The following CLNK variants were observed in gnomAD, a reference collection of about 807,000 sequenced individuals.
The protein encoded by CLNK is cytokine dependent hematopoietic cell linker.
Under a neutral mutation model 68.6 loss-of-function variants are expected in CLNK, and 74 were observed. That is an observed-to-expected ratio of 1.08 (90% CI 0.89 to 1.31). CLNK has a LOEUF of 1.31. CLNK is among the 50% of genes most tolerant of loss of function. CLNK has a pLI of 0.00. For missense variants in CLNK, 553 were observed against 515.3 expected (o/e 1.07, Z -0.71); for synonymous variants, 198 against 172.2 (o/e 1.15, Z -1.17).
At chr4:10,648,881 C>T (rs902374105) in intron 2 of CLNK, among the ~76,000 whole-genome samples, 1 of 152,154 alleles carries the variant, frequency 6.6e-6, no homozygotes, top group Admixed American at 6.6e-5. Context: ...AGGGTCAGTG[C>T]TCATTCCACT....
chr4:10,566,909 A>C (rs1016206540), intron 5 of CLNK, among the ~76,000 whole-genome samples: 2 of 152,144 alleles, frequency 1.3e-5, no homozygotes, highest in African/African-American at 4.8e-5. Flanking sequence ...AAAGAAGTGC[A>C]AAATTTGTAC....
intron 2 of CLNK, among the ~76,000 whole-genome samples, chr4:10,623,225 C>T (rs181707566): frequency 1.3e-5 from 2 of 152,304 alleles, no homozygotes; most frequent in Non-Finnish European, 2.9e-5. Flanking sequence ...CTTAACAAAT[C>T]CCTCTCTAGG....
At position 10,654,998 on chromosome 4, in the gene CLNK, G is replaced by T. The variant is rs920359759; in HGVS notation, c.11+12861C>A. ...CGCCTGTAGTCCCACCTACTAGGGA[G>T]GCTGAGGCAGGAGAATGGCGTGAAT... On this transcript the variant is annotated intron_variant, in intron 2 of 18. Transcript: ENST00000226951. Among the ~76,000 whole-genome samples the T allele has an allele frequency of 3.3e-5, 5 of 151,722 alleles. No individual in the cohort carries two copies. The East Asian group carries it at 9.7e-4, about 30-fold the overall frequency.
chr4:10,520,654 C>T (rs34533651), intron 15 of CLNK, 137 bp downstream of exon 15: 19,644 of 607,572 alleles, frequency 0.032, 356 homozygotes, highest in Non-Finnish European at 0.038. Context: ...GTCATAGTAA[C>T]GCAATGGAAA....
rs911998663 is a variant in CLNK at position 10,602,837 on chromosome 4, A to T, written c.12-4788T>A. Reference sequence around the variant, plus strand: ...TGGTCTAGAAGAAAAACGAGGAAGAAGCTGGTCAAATATTTAAGTGATGGT... The same window carrying T: ...TGGTCTAGAAGAAAAACGAGGAAGATGCTGGTCAAATATTTAAGTGATGGT... On this transcript the variant is annotated intron_variant, in intron 2 of 18. Coordinates refer to ENST00000226951, the MANE Select transcript of CLNK (RefSeq NM_052964.4). 5.3e-5 allele frequency among the ~76,000 whole-genome samples: 8 copies of T among 152,338 alleles called. No homozygotes were observed. In the East Asian group the frequency reaches 1.3e-3, roughly 26 times the overall value.
upstream of CLNK, among the ~76,000 whole-genome samples, chr4:10,687,204 G>GAAAA (rs57990237): frequency 1.3e-4 from 18 of 140,360 alleles, no homozygotes; most frequent in South Asian, 4.6e-4. Flanking sequence ...ATATAGAGGT[G>GAAAA]AAAAAAAAAA....
intron 18 of CLNK, among the ~76,000 whole-genome samples, chr4:10,495,828 G>C (rs1191689771): frequency 6.6e-6 from 1 of 151,708 alleles, no homozygotes; most frequent in East Asian, 1.9e-4. Flanking sequence ...TGACCATAGA[G>C]AGAGAGAGAT....
intron 2 of CLNK, among the ~76,000 whole-genome samples, chr4:10,600,516 C>T (rs900712008): frequency 6.6e-5 from 10 of 152,110 alleles, no homozygotes; most frequent in African/African-American, 2.2e-4. Context: ...TTGTTAAATG[C>T]CCTGTACATG....
At chr4:10,702,529 C>T in the CLNK span, among the ~76,000 whole-genome samples, 1 of 152,186 alleles carries the variant, frequency 6.6e-6, no homozygotes, top group Admixed American at 6.5e-5. Context: ...TGCTGACAGG[C>T]AGCAAATCTG....
intron 8 of CLNK, among the ~76,000 whole-genome samples, chr4:10,550,258 C>A (rs902742106): frequency 1.3e-5 from 2 of 152,142 alleles, no homozygotes; most frequent in Non-Finnish European, 2.9e-5. Context: ...CTTTGGGAGG[C>A]CGAGGCGGGC....
At chr4:10,674,002 C>T (rs767989237) in intron 1 of CLNK, among the ~76,000 whole-genome samples, 2 of 152,192 alleles carry the variant, frequency 1.3e-5, no homozygotes, top group Admixed American at 6.5e-5. Context: ...AAATAAAGCC[C>T]ATGCATAGCT....
chr4:10,601,095 C>A (rs1168980444), intron 2 of CLNK, among the ~76,000 whole-genome samples: 1 of 152,176 alleles, frequency 6.6e-6, no homozygotes, highest in Non-Finnish European at 1.5e-5. Flanking sequence ...AATAGGCAGG[C>A]ATTCTTCTCA....
upstream of CLNK, among the ~76,000 whole-genome samples, chr4:10,685,707 A>T (rs963356168): frequency 6.6e-6 from 1 of 152,204 alleles, no homozygotes; most frequent in South Asian, 2.1e-4. Context: ...CATGAAAATA[A>T]GCACTCTTTG....
intron 14 of CLNK, among the ~76,000 whole-genome samples, chr4:10,523,386 A>T (rs954442958): frequency 6.6e-6 from 1 of 152,162 alleles, no homozygotes; most frequent in Non-Finnish European, 1.5e-5. Flanking sequence ...TGCAGAAGAT[A>T]GGGATTTGGG....
At chr4:10,664,622 C>T (rs985633397) in intron 2 of CLNK, among the ~76,000 whole-genome samples, 5 of 152,174 alleles carry the variant, frequency 3.3e-5, no homozygotes, top group African/African-American at 4.8e-5. Context: ...AAGAATCAAC[C>T]GAGGATCTTG....
chr4:10,654,973 CG>C (rs745886578), intron 2 of CLNK, among the ~76,000 whole-genome samples: 1 of 151,594 alleles, frequency 6.6e-6, no homozygotes, highest in Non-Finnish European at 1.5e-5. Context: ...GCGGTGGCAG[CG>C]CCTGTAGTCC....
intron 2 of CLNK, among the ~76,000 whole-genome samples, chr4:10,666,777 GC>G (rs1383213671): frequency 6.6e-6 from 1 of 152,216 alleles, no homozygotes; most frequent in Non-Finnish European, 1.5e-5. Flanking sequence ...CTCCTGCTGT[GC>G]TTTTCATGGC....
the CLNK span, among the ~76,000 whole-genome samples, chr4:10,708,672 G>A: frequency 6.6e-6 from 1 of 152,162 alleles, no homozygotes; most frequent in South Asian, 2.1e-4. Flanking sequence ...GGGAAGGCAG[G>A]GCACATCATG....
intron 1 of CLNK, among the ~76,000 whole-genome samples, chr4:10,675,483 G>T (rs1020249546): frequency 2.6e-5 from 4 of 152,124 alleles, no homozygotes; most frequent in Non-Finnish European, 5.9e-5. Flanking sequence ...TTACCCTTGA[G>T]AACTCTTGTT....
Sources: gnomAD v4.1 joint callset for allele counts (sites outside exome capture counted in the v4.1 genomes callset) on GRCh38, gnomAD v4.1.1 for gene constraint, MANE v1.5 for transcripts, NCBI Gene and HGNC (gene_info 2026-07-23, HGNC 2026-07-21) for gene names.